The following TCF4 variants were observed in gnomAD, a reference collection of about 807,000 sequenced individuals.
TCF4 encodes the protein transcription factor 4.
A neutral mutation model predicts 82.1 loss-of-function variants in TCF4; 3 were observed. The ratio of observed to expected loss-of-function variants is 0.04; its 90% CI spans 0.02 to 0.09. The LOEUF is 0.09. Ranked by LOEUF, TCF4 falls within the 10% of genes least tolerant of loss-of-function variation. The pLI is 1.00. For missense variants in TCF4, 518 were observed against 852.7 expected (o/e 0.61, Z 4.89); for synonymous variants, 276 against 309.6 (o/e 0.89, Z 1.14).
chr18:55,635,917 C>T, exon 1 of TCF4: 2 of 1,574,104 alleles, frequency 1.3e-6, no homozygotes, highest in Non-Finnish European at 1.7e-6. Flanking sequence ...CCTTTGGCCG[C>T]ATAAGTGCCA....
chr18:55,589,827 CG>C, upstream of TCF4: 1 of 1,005,132 alleles, frequency 9.9e-7, no homozygotes, highest in Non-Finnish European at 1.2e-6. Flanking sequence ...GCTGCGGCCG[CG>C]GCTGCTCCTC....
At chr18:55,563,238 C>CA (rs74182105) in intron 3 of TCF4, among the ~76,000 whole-genome samples, 17,826 of 67,882 alleles carry the variant, frequency 0.26, 1,979 homozygotes, top group Admixed American at 0.36. Context: ...GACCCTGTCT[C>CA]AAAAAAAAAA....
chr18:55,566,398 C>T (rs368995674), intron 3 of TCF4, among the ~76,000 whole-genome samples: 3 of 152,104 alleles, frequency 2.0e-5, no homozygotes, highest in South Asian at 4.2e-4. Context: ...ATGCATGTCA[C>T]GTTTTGTACT....
chr18:55,300,909 C>T (rs188821203), intron 8 of TCF4, among the ~76,000 whole-genome samples: 3 of 152,094 alleles, frequency 2.0e-5, no homozygotes, highest in African/African-American at 7.2e-5. Context: ...AGAGAACAGG[C>T]GAAGGCAAAA....
At chr18:55,327,812 C>A (rs998183314) in intron 8 of TCF4, among the ~76,000 whole-genome samples, 1 of 152,058 alleles carries the variant, frequency 6.6e-6, no homozygotes, top group African/African-American at 2.4e-5. Context: ...TAAAAACTCA[C>A]ACAGACATAT....
intron 3 of TCF4, among the ~76,000 whole-genome samples, chr18:55,582,372 C>A (rs1230330375): frequency 6.6e-6 from 1 of 152,094 alleles, no homozygotes; most frequent in African/African-American, 2.4e-5. Flanking sequence ...CAGAGCCCAC[C>A]AATTTTCCCT....
chr18:55,438,299 C>T (rs1366356485), intron 5 of TCF4, among the ~76,000 whole-genome samples: 2 of 150,812 alleles, frequency 1.3e-5, no homozygotes, highest in Non-Finnish European at 2.9e-5. Flanking sequence ...TCATTAGTCA[C>T]TCAGCCATTG....
intron 3 of TCF4, among the ~76,000 whole-genome samples, chr18:55,582,248 A>G (rs1413318147): frequency 6.6e-6 from 1 of 152,122 alleles, no homozygotes; most frequent in Non-Finnish European, 1.5e-5. Context: ...TAATTTTCCA[A>G]TCATCCAGGC....
intron 6 of TCF4, among the ~76,000 whole-genome samples, chr18:55,398,811 T>C (rs147167048): frequency 1.4e-4 from 21 of 152,232 alleles, no homozygotes; most frequent in Admixed American, 3.9e-4. Context: ...GCAGACATGG[T>C]CCCTGCCCTC....
chr18:55,269,701 T>C (rs1239966433), intron 11 of TCF4, 130 bp downstream of exon 11: 1 of 1,189,700 alleles, frequency 8.4e-7, no homozygotes, highest in African/African-American at 1.5e-5. Context: ...TACATTTGTG[T>C]GTTCATTCTG....
chr18:55,393,527 CA>C (rs1380899658), intron 6 of TCF4, among the ~76,000 whole-genome samples: 10 of 152,286 alleles, frequency 6.6e-5, no homozygotes, highest in Non-Finnish European at 5.9e-5. Flanking sequence ...TCACAAGCCA[CA>C]ACGTGAGTTA....
rs796875660 is a variant in TCF4, at chr18:55,436,850, A to G, written c.304+24169T>C. On this transcript the variant is annotated intron_variant, in intron 5 of 19. Coordinates refer to ENST00000354452, the MANE Select transcript of TCF4 (RefSeq NM_001083962.2). Reference sequence around the variant, plus strand: ...AGACTGAACAGCAACAACAACAACAACAAAACTCATAAAATCAAACAACTT... The same window carrying G: ...AGACTGAACAGCAACAACAACAACAGCAAAACTCATAAAATCAAACAACTT... Among the ~76,000 whole-genome samples the G allele has an allele frequency of 2.6e-5, 4 of 152,224 alleles. No individual in the cohort carries two copies. In the South Asian group the frequency reaches 8.3e-4, roughly 31 times the overall value.
intron 5 of TCF4, among the ~76,000 whole-genome samples, chr18:55,410,538 G>C (rs1186192511): frequency 2.6e-5 from 4 of 151,956 alleles, no homozygotes; most frequent in Non-Finnish European, 5.9e-5. Flanking sequence ...TCATTAAATG[G>C]GCATTTTAGT....
chr18:55,527,891 C>T (rs2097007898), intron 3 of TCF4, among the ~76,000 whole-genome samples: 1 of 152,126 alleles, frequency 6.6e-6, no homozygotes, highest in South Asian at 2.1e-4. Flanking sequence ...TAGACACACC[C>T]TAGGAGCAAA....
At chr18:55,297,987 T>C (rs2067038546) in intron 8 of TCF4, among the ~76,000 whole-genome samples, 1 of 152,214 alleles carries the variant, frequency 6.6e-6, no homozygotes, top group Non-Finnish European at 1.5e-5. Flanking sequence ...GTAGTAATAT[T>C]TTAGAAGACT....
intron 3 of TCF4, among the ~76,000 whole-genome samples, chr18:55,502,002 G>A (rs2096707425): frequency 6.6e-6 from 1 of 152,114 alleles, no homozygotes; most frequent in South Asian, 2.1e-4. Context: ...AACAATGGAA[G>A]GAGAATATTT....
intron 3 of TCF4, among the ~76,000 whole-genome samples, chr18:55,555,917 G>A (rs994859231): frequency 6.6e-6 from 1 of 152,142 alleles, no homozygotes; most frequent in Non-Finnish European, 1.5e-5. Context: ...TCCTATCAAT[G>A]ATATTTCTCT....
chr18:55,601,198 G>A (rs775522414), intron 2 of TCF4, among the ~76,000 whole-genome samples: 1 of 152,180 alleles, frequency 6.6e-6, no homozygotes, highest in Non-Finnish European at 1.5e-5. Flanking sequence ...GCTCATAATA[G>A]CCAAAACTGG....
intron 5 of TCF4, among the ~76,000 whole-genome samples, chr18:55,450,172 C>T (rs1603473790): frequency 6.6e-6 from 1 of 152,268 alleles, no homozygotes; most frequent in East Asian, 1.9e-4. Flanking sequence ...GACCACAGTG[C>T]TCTGCTAGGT....
Sources: allele counts gnomAD v4.1 joint callset (sites outside exome capture counted in the v4.1 genomes callset), GRCh38; gene constraint gnomAD v4.1.1; transcripts MANE v1.5; gene names NCBI Gene and HGNC (gene_info 2026-07-23, HGNC 2026-07-21).